The following HMGCLL1 variants were observed in gnomAD, a reference collection of about 807,000 sequenced individuals.
HMGCLL1 encodes 3-hydroxymethyl-3-methylglutaryl-CoA lyase, cytoplasmic.
A neutral mutation model predicts 39.1 loss-of-function variants in HMGCLL1; 36 were observed. The observed-to-expected ratio is 0.92, with a 90% CI of 0.71 to 1.22. The LOEUF is 1.22. Among genes scored for constraint, HMGCLL1 ranks in the 50% most tolerant of loss-of-function variants. The pLI, the probability that HMGCLL1 is intolerant of heterozygous loss-of-function variation, is 0.00. For missense variants in HMGCLL1, 451 were observed against 416.5 expected (o/e 1.08, Z -0.72); for synonymous variants, 149 against 144.0 (o/e 1.03, Z -0.25).
chr6:55,551,408 C>A (rs1188145112), intron 1 of HMGCLL1, among the ~76,000 whole-genome samples: 4 of 151,772 alleles, frequency 2.6e-5, no homozygotes, highest in African/African-American at 4.9e-5. Context: ...TAGGAACAGG[C>A]CTTACTGCAT....
intron 4 of HMGCLL1, 82 bp from the exon 5 acceptor site, chr6:55,514,278 A>G (rs1368500799): frequency 3.0e-6 from 3 of 1,001,970 alleles, no homozygotes; most frequent in Non-Finnish European, 4.4e-6. Flanking sequence ...TAACTACTCT[A>G]TGAAGGCATA....
chr6:55,625,962 A>G, the HMGCLL1 span, among the ~76,000 whole-genome samples: 1 of 152,144 alleles, frequency 6.6e-6, no homozygotes, highest in African/African-American at 2.4e-5. Context: ...TGCTCCATGG[A>G]CCCATGAACA....
the HMGCLL1 span, among the ~76,000 whole-genome samples, chr6:55,621,675 T>C: frequency 1.3e-5 from 2 of 152,082 alleles, no homozygotes; most frequent in African/African-American, 4.8e-5. Flanking sequence ...GTGAGTTACA[T>C]AATTATTTCA....
At chr6:55,568,625 A>G (rs555429894) in intron 1 of HMGCLL1, among the ~76,000 whole-genome samples, 5 of 152,218 alleles carry the variant, frequency 3.3e-5, no homozygotes, top group African/African-American at 4.8e-5. Flanking sequence ...CTAACAATAC[A>G]TAGTCAGAAC....
intron 6 of HMGCLL1, among the ~76,000 whole-genome samples, chr6:55,496,256 G>T (rs999563945): frequency 6.6e-6 from 1 of 151,992 alleles, no homozygotes. Flanking sequence ...TATAAAATAT[G>T]TGTTAATACT....
upstream of HMGCLL1, among the ~76,000 whole-genome samples, chr6:55,583,416 A>G (rs1199451237): frequency 6.6e-6 from 1 of 151,700 alleles, no homozygotes; most frequent in Non-Finnish European, 1.5e-5. Context: ...TCATTGTTCA[A>G]TTCCCATCTA....
intron 7 of HMGCLL1, among the ~76,000 whole-genome samples, chr6:55,443,548 A>G (rs969539453): frequency 6.6e-6 from 1 of 152,100 alleles, no homozygotes; most frequent in Non-Finnish European, 1.5e-5. Context: ...TTTTGTAACT[A>G]AAGGCCAATG....
upstream of HMGCLL1, among the ~76,000 whole-genome samples, chr6:55,579,701 G>A (rs535373062): frequency 1.9e-4 from 29 of 152,308 alleles, no homozygotes; most frequent in Admixed American, 9.1e-4. Context: ...GTTCCTAAAT[G>A]AGAGGTAAGC....
chr6:55,515,168 G>A (rs1019832928), intron 4 of HMGCLL1, among the ~76,000 whole-genome samples: 3 of 151,452 alleles, frequency 2.0e-5, no homozygotes, highest in East Asian at 3.9e-4. Flanking sequence ...CAGGAGAATC[G>A]CTTGAACCTG....
Position 55,543,461 on chromosome 6 carries a change from C to CATATATA in HMGCLL1, c.109-1328_109-1322dup, listed in dbSNP as rs1561951541. Among the ~76,000 whole-genome samples the CATATATA allele has an allele frequency of 4.1e-3, 375 of 91,112 alleles. 14 individuals carry two copies. Among genetic ancestry groups the CATATATA allele is most frequent in the African/African-American group, 0.016 (327 of 20,944 alleles). The allele number at this position is 91,112 out of a possible 152,430, so 59.8% of individuals were successfully genotyped here. ...CATATATGATATATATGATATATAT[C>CATATATA]ATATATATCATATATAATATATATA... is the stretch of plus-strand genomic sequence containing the variant. On this transcript the variant is annotated intron_variant, in intron 1 of 8. Coordinates refer to ENST00000274901, the MANE Select transcript of HMGCLL1 (RefSeq NM_001042406.2).
the HMGCLL1 span, among the ~76,000 whole-genome samples, chr6:55,630,201 C>G: frequency 6.6e-6 from 1 of 152,144 alleles, no homozygotes; most frequent in Non-Finnish European, 1.5e-5. Context: ...GAGCCTACCT[C>G]TTGCATCAGT....
At chr6:55,583,411 G>A (rs1772018440), upstream of HMGCLL1, among the ~76,000 whole-genome samples, 1 of 148,038 alleles carries the variant, frequency 6.8e-6, no homozygotes, top group African/African-American at 2.5e-5. Context: ...TGTTCTCATT[G>A]TTCAATTCCC....
chr6:55,584,342 T>C, the HMGCLL1 span, among the ~76,000 whole-genome samples: 28 of 152,262 alleles, frequency 1.8e-4, no homozygotes, highest in African/African-American at 6.0e-4. Context: ...TGGATTTAAC[T>C]CAGAGCCTGA....
the HMGCLL1 span, among the ~76,000 whole-genome samples, chr6:55,677,341 G>T: frequency 1.6e-4 from 25 of 152,048 alleles, no homozygotes; most frequent in Non-Finnish European, 3.1e-4. Flanking sequence ...GTGAGCCTTG[G>T]TGACAGAGCG....
At chr6:55,536,964 T>C (rs1270871139) in intron 3 of HMGCLL1, among the ~76,000 whole-genome samples, 4 of 152,260 alleles carry the variant, frequency 2.6e-5, no homozygotes, top group East Asian at 1.9e-4. Flanking sequence ...AGAGAATTAA[T>C]AGAATACCAA....
chr6:55,452,086 T>TA (rs1453549656), intron 7 of HMGCLL1, among the ~76,000 whole-genome samples: 1 of 152,110 alleles, frequency 6.6e-6, no homozygotes, highest in Admixed American at 6.6e-5. Context: ...AAGGTGCATA[T>TA]AGGCCTATAT....
At chr6:55,527,110 C>T (rs1040617508) in intron 3 of HMGCLL1, among the ~76,000 whole-genome samples, 22 of 152,064 alleles carry the variant, frequency 1.4e-4, no homozygotes, top group Admixed American at 5.9e-4. Context: ...TCTATATCAT[C>T]CATATCTTAT....
chr6:55,455,891 T>C (rs2127392390), intron 7 of HMGCLL1, among the ~76,000 whole-genome samples: 1 of 152,340 alleles, frequency 6.6e-6, no homozygotes, highest in South Asian at 2.1e-4. Context: ...GAATACGTAC[T>C]GAAGTTGGTT....
At chr6:55,536,780 A>G (rs1396775860) in intron 3 of HMGCLL1, among the ~76,000 whole-genome samples, 1 of 152,166 alleles carries the variant, frequency 6.6e-6, no homozygotes, top group Admixed American at 6.6e-5. Flanking sequence ...CTACTGTGGA[A>G]CTTTTCTTTT....
Sources: allele counts gnomAD v4.1 joint callset (sites outside exome capture counted in the v4.1 genomes callset), GRCh38; gene constraint gnomAD v4.1.1; transcripts MANE v1.5; gene names NCBI Gene and HGNC (gene_info 2026-07-23, HGNC 2026-07-21).